Variants in ARFGEF1 observed in about 807,000 individuals in gnomAD.
ARFGEF1 encodes the protein brefeldin A-inhibited guanine nucleotide-exchange protein 1.
In ARFGEF1, 42 loss-of-function variants were observed where a neutral mutation model predicts 231.0. The observed-to-expected ratio is 0.18, with a 90% confidence interval of 0.14 to 0.24. The LOEUF (loss-of-function observed/expected upper bound fraction) is 0.24, where lower values mean the gene tolerates loss of function less well. Among genes scored for constraint, ARFGEF1 ranks in the 10% least tolerant of loss-of-function variants. The probability of loss-of-function intolerance (pLI) is 1.00; values close to 1 mark genes in which losing one functional copy is unlikely to be tolerated. For synonymous variants in ARFGEF1, 710 were observed against 732.3 expected (o/e 0.97, Z 0.49); for missense variants, 1,345 against 2,192.0 (o/e 0.61, Z 7.72).
chr8:67,222,189 A>ATACATATAT (rs1839199794), intron 29 of ARFGEF1, among the ~76,000 whole-genome samples: 1 of 139,662 alleles, frequency 7.2e-6, no homozygotes, highest in African/African-American at 2.7e-5. Context: ...ACACATATAT[A>ATACATATAT]TATATATATA....
chr8:67,277,187 A>C, intron 8 of ARFGEF1, 95 bp downstream of exon 8: 1 of 1,230,502 alleles, frequency 8.1e-7, no homozygotes, highest in Non-Finnish European at 1.1e-6. Flanking sequence ...ATCAGGCAGC[A>C]TCATCAGCTG....
chr8:67,330,955 A>G (rs1808071947), intron 1 of ARFGEF1, among the ~76,000 whole-genome samples: 2 of 152,306 alleles, frequency 1.3e-5, no homozygotes, highest in South Asian at 4.1e-4. Context: ...GTATAAGAAG[A>G]GAAGGCAAGA....
At position 67,343,741 on chromosome 8, in the gene ARFGEF1, A is replaced by C; in HGVS notation, c.-454T>G. On this transcript the variant is annotated 5_prime_UTR_variant, in exon 1 of 39. An upstream start codon of the reference 5' UTR is lost. Transcript: ENST00000262215. ...CCGCCGCGGCCGCGAACTGGCCCCC[A>C]TCACCGCCGACCTGCCCCGGCCGCC... 1 of 366,194 alleles carries C rather than the reference A, an allele frequency of 2.7e-6. No individual in the cohort carries two copies. Among genetic ancestry groups the C allele is most frequent in the Non-Finnish European group, 3.8e-6 (1 of 262,792 alleles). 22.7% of individuals were successfully genotyped at this position (366,194 alleles called of 1,614,324 possible).
intron 5 of ARFGEF1, among the ~76,000 whole-genome samples, chr8:67,293,524 G>A (rs184359337): frequency 5.9e-5 from 9 of 152,272 alleles, no homozygotes. Context: ...CTACAGAGGA[G>A]AGTGACTTAA....
chr8:67,321,672 A>G (rs978610880), intron 1 of ARFGEF1, among the ~76,000 whole-genome samples: 2 of 151,330 alleles, frequency 1.3e-5, no homozygotes, highest in Non-Finnish European at 1.5e-5. Flanking sequence ...GTGTTAGCCA[A>G]GATGGTCTCG....
At chr8:67,278,021 C>T (rs1448974909) in intron 7 of ARFGEF1, among the ~76,000 whole-genome samples, 1 of 152,114 alleles carries the variant, frequency 6.6e-6, no homozygotes, top group African/African-American at 2.4e-5. Flanking sequence ...TAATGACCTA[C>T]ACCACTGAAA....
intron 22 of ARFGEF1, among the ~76,000 whole-genome samples, chr8:67,233,347 T>C (rs1839614376): frequency 6.6e-6 from 1 of 151,988 alleles, no homozygotes; most frequent in South Asian, 2.1e-4. Flanking sequence ...TCTAGTCCCC[T>C]ATTTACAAAG....
At chr8:67,329,189 G>A (rs1024441874) in intron 1 of ARFGEF1, among the ~76,000 whole-genome samples, 60 of 152,060 alleles carry the variant, frequency 3.9e-4, no homozygotes, top group African/African-American at 1.3e-3. Context: ...TGGCACCACC[G>A]CACTCCAGCC....
intron 9 of ARFGEF1, among the ~76,000 whole-genome samples, chr8:67,275,376 A>G (rs1305502331): frequency 1.3e-5 from 2 of 152,062 alleles, no homozygotes; most frequent in Admixed American, 6.6e-5. Context: ...TTAATCTAAT[A>G]TATTTCATGA....
chr8:67,257,857 T>G, intron 16 of ARFGEF1, 41 bp from the exon 17 acceptor site: 1 of 1,501,936 alleles, frequency 6.7e-7, no homozygotes, highest in Non-Finnish European at 9.1e-7. Flanking sequence ...TTCTACTGTT[T>G]TATATAGTTT....
At chr8:67,311,266 C>A (rs1415321018) in intron 1 of ARFGEF1, among the ~76,000 whole-genome samples, 1 of 134,952 alleles carries the variant, frequency 7.4e-6, no homozygotes, top group African/African-American at 2.8e-5. Flanking sequence ...CCCGGCCAGC[C>A]GCCCCGTCCG....
intron 14 of ARFGEF1, among the ~76,000 whole-genome samples, chr8:67,261,682 T>C (rs1290106466): frequency 6.6e-6 from 1 of 152,190 alleles, no homozygotes; most frequent in East Asian, 1.9e-4. Flanking sequence ...AGTGATTTTG[T>C]TTTTGCAGAA....
intron 1 of ARFGEF1, among the ~76,000 whole-genome samples, chr8:67,308,976 T>C (rs955632118): frequency 3.9e-5 from 6 of 152,182 alleles, no homozygotes; most frequent in African/African-American, 1.4e-4. Flanking sequence ...ACAGTCACAG[T>C]AGCGAAGATA....
At chr8:67,210,470 C>CA (rs956910354) in intron 34 of ARFGEF1, among the ~76,000 whole-genome samples, 10 of 151,340 alleles carry the variant, frequency 6.6e-5, no homozygotes, top group South Asian at 6.3e-4. Context: ...GACTCTGTCT[C>CA]AAAAAAAACC....
At chr8:67,190,691 C>T (rs1031012342) in intron 5 of ARFGEF1, 1 of 1,613,954 alleles carries the variant, frequency 6.2e-7, no homozygotes, top group African/African-American at 1.3e-5. Context: ...AGATGACGTC[C>T]TCCCTCCACC....
At position 67,313,219 on chromosome 8, in the gene ARFGEF1, C is replaced by T. The variant is rs113111353; in HGVS notation, c.125-10753G>A. Among the ~76,000 whole-genome samples, 300 of 152,296 alleles carry T rather than the reference C, an allele frequency of 2.0e-3. 4 individuals are homozygous for T. The highest frequency in any genetic ancestry group is 6.9e-3 in the African/African-American group (285 of 41,560). ...ATTTTTTGGATTTCCTTGCATTGGG[C>T]TTCACCTTTATCTGGTCCTTCCCTG... On this transcript the variant is annotated intron_variant, in intron 1 of 38. Transcript: ENST00000262215.
Position 67,301,395 on chromosome 8 carries a change from A to G in ARFGEF1, c.156-15T>C, listed in dbSNP as rs1328896789. On this transcript the variant is annotated splice_polypyrimidine_tract_variant and intron_variant, in intron 2 of 38. Transcript: ENST00000262215. Reference sequence around the variant, plus strand: ...CATGAGGAGGACTAAATGAGAAAGAAAAGTCTGATTATAGCGTATCACATT... The same window carrying G: ...CATGAGGAGGACTAAATGAGAAAGAGAAGTCTGATTATAGCGTATCACATT... The G allele has an allele frequency of 2.5e-6, 4 of 1,602,990 alleles. No individual in the cohort carries two copies. The highest frequency in any genetic ancestry group is 3.4e-6 in the Non-Finnish European group (4 of 1,176,670).
chr8:67,278,992 G>A (rs141615984), intron 7 of ARFGEF1, among the ~76,000 whole-genome samples: 11 of 152,146 alleles, frequency 7.2e-5, no homozygotes, highest in African/African-American at 2.7e-4. Context: ...GGCCAGGCAC[G>A]GTGGCTCATG....
chr8:67,292,384 G>A (rs948463448), intron 5 of ARFGEF1, among the ~76,000 whole-genome samples: 4 of 152,024 alleles, frequency 2.6e-5, no homozygotes, highest in African/African-American at 9.7e-5. Flanking sequence ...TGTTTGTGTG[G>A]ATGAAACACA....
Sources: gnomAD v4.1 joint callset for allele counts (sites outside exome capture counted in the v4.1 genomes callset) on GRCh38, gnomAD v4.1.1 for gene constraint, MANE v1.5 for transcripts, NCBI Gene and HGNC (gene_info 2026-07-23, HGNC 2026-07-21) for gene names.